BUD31: variants seen among roughly 807,000 people sequenced by gnomAD.
The protein encoded by BUD31 is BUD31 spliceosome associated protein.
Under a neutral mutation model 17.9 loss-of-function variants are expected in BUD31, and 9 were observed. That is an observed-to-expected ratio of 0.50 (90% CI 0.30 to 0.88). The LOEUF (loss-of-function observed/expected upper bound fraction) is 0.88. Among genes scored for constraint, BUD31 ranks in the 40% least tolerant of loss-of-function variants. The pLI is 0.06. For synonymous variants in BUD31, 70 were observed against 64.7 expected (o/e 1.08, Z -0.39); for missense variants, 148 against 184.5 (o/e 0.80, Z 1.15).
intron 3 of BUD31, among the ~76,000 whole-genome samples, chr7:99,415,603 C>T (rs1189220480): frequency 1.3e-5 from 2 of 152,060 alleles, no homozygotes; most frequent in Admixed American, 1.3e-4. Context: ...ATTCCCTTTC[C>T]CGGTCTGCTA....
chr7:99,414,054 G>C (rs757564909), intron 3 of BUD31, among the ~76,000 whole-genome samples: 4 of 152,106 alleles, frequency 2.6e-5, no homozygotes, highest in Admixed American at 6.6e-5. Flanking sequence ...GAACACCCAA[G>C]CACACTCATG....
At chr7:99,418,333 G>C (rs1343568720) in intron 5 of BUD31, 1 of 156,582 alleles carries the variant, frequency 6.4e-6, no homozygotes, top group Admixed American at 6.1e-5. Flanking sequence ...CCTCAGGAGT[G>C]GTGCTGAGGG....
chr7:99,419,374 GTCC>G lies in BUD31; in HGVS notation c.385-10_385-8del, dbSNP rs776163105. On this transcript the variant is annotated splice_polypyrimidine_tract_variant and intron_variant, in intron 5 of 5. Transcript: ENST00000222969. ...CGTGGCGCAGTGGCATCGTCTCACT[GTCC>G]TCCTCCGTTGCAGGGCCGCATCATC... 85 of 1,612,826 alleles carry G rather than the reference GTCC, an allele frequency of 5.3e-5. 1 individual carries two copies. The Admixed American group carries it at 6.5e-4, about 12-fold the overall frequency.
At chr7:99,412,758 C>T (rs938481266) in intron 3 of BUD31, among the ~76,000 whole-genome samples, 5 of 151,770 alleles carry the variant, frequency 3.3e-5, no homozygotes, top group African/African-American at 1.2e-4. Context: ...ACTACAGGCG[C>T]CCGCCACCAT....
chr7:99,410,932 T>C, intron 2 of BUD31, 132 bp from the exon 3 acceptor site: 1 of 615,198 alleles, frequency 1.6e-6, no homozygotes. Context: ...TTGAACACAG[T>C]CTGGGTGCTG....
intron 3 of BUD31, chr7:99,415,124 CA>C: frequency 2.3e-6 from 1 of 436,250 alleles, no homozygotes; most frequent in South Asian, 1.6e-5. Context: ...AGACACAAGA[CA>C]AAGAGATAAA....
At chr7:99,417,702 C>A in intron 5 of BUD31, 107 bp downstream of exon 5, 1 of 1,546,462 alleles carries the variant, frequency 6.5e-7, no homozygotes, top group Admixed American at 1.9e-5. Context: ...TCGTTTTGTC[C>A]CTGGATGTCC....
At position 99,417,287 on chromosome 7, in the gene BUD31, A is replaced by G. The variant is rs111849760; in HGVS notation, c.218-142A>G. On this transcript the variant is annotated intron_variant, in intron 4 of 5. Coordinates refer to ENST00000222969, the MANE Select transcript of BUD31 (RefSeq NM_003910.4). ...GGGCTGGTCCTGAACTCCTGACCTC[A>G]GGTGATCCGCCTGCCTCGGCCTCCC... 1.5e-3 allele frequency: 1,125 copies of G among 752,680 alleles called. 10 individuals are homozygous for G. Among genetic ancestry groups the G allele is most frequent in the African/African-American group, 0.01 (591 of 57,196 alleles). The allele number at this position is 752,680 out of a possible 1,614,324, so 46.6% of individuals were successfully genotyped here.
At chr7:99,417,837 C>T in intron 5 of BUD31, 3 of 1,454,638 alleles carry the variant, frequency 2.1e-6, no homozygotes, top group Middle Eastern at 2.5e-4. Context: ...TACTGAACCC[C>T]TTTCCTCACT....
intron 3 of BUD31, among the ~76,000 whole-genome samples, chr7:99,412,783 T>TG (rs899439278): frequency 6.6e-6 from 1 of 150,604 alleles, no homozygotes; most frequent in African/African-American, 2.5e-5. Flanking sequence ...AGCTAATTTT[T>TG]TTTTTTTTTT....
At chr7:99,411,701 G>T (rs1436475497) in intron 3 of BUD31, 1 of 455,852 alleles carries the variant, frequency 2.2e-6, no homozygotes, top group Non-Finnish European at 4.4e-6. Context: ...CTTACCAATT[G>T]ACTTTTTTAT....
At chr7:99,410,699 A>C (rs1031477817) in intron 2 of BUD31, among the ~76,000 whole-genome samples, 3 of 152,204 alleles carry the variant, frequency 2.0e-5, no homozygotes, top group Non-Finnish European at 4.4e-5. Context: ...CCCAACATCC[A>C]GTATAGGGTT....
Position 99,417,599 on chromosome 7 carries a change from A to G in BUD31, c.384+4A>G, listed in dbSNP as rs370967032. ...GCCCAAAAGCAAGCTGGAAGTGGTA[A>G]TGTCTGACACTCAAGCTTGGTGTTG... is the stretch of plus-strand genomic sequence containing the variant. On this transcript the variant is annotated splice_donor_region_variant and intron_variant, in intron 5 of 5. Transcript: ENST00000222969. 5 of 1,610,882 alleles carry G rather than the reference A, an allele frequency of 3.1e-6. No homozygotes were observed. The highest frequency in any genetic ancestry group is 4.2e-6 in the Non-Finnish European group (5 of 1,179,996).
At chr7:99,411,614 C>T (rs10085823) in intron 3 of BUD31, 13,533 of 438,728 alleles carry the variant, frequency 0.031, 1,293 homozygotes, top group African/African-American at 0.22. Context: ...TTTGTGAACC[C>T]GTGTCCTATG....
At chr7:99,410,992 G>A in intron 2 of BUD31, 72 bp from the exon 3 acceptor site, 2 of 976,512 alleles carry the variant, frequency 2.0e-6, no homozygotes, top group Non-Finnish European at 3.2e-6. Context: ...AAGTCAGCCT[G>A]TACCGAAATA....
intron 5 of BUD31, chr7:99,417,798 G>A (rs1399653877): frequency 6.6e-7 from 1 of 1,518,052 alleles, no homozygotes; most frequent in African/African-American, 1.4e-5. Flanking sequence ...TAGGTCTGGG[G>A]TCAATCTCAA....
intron 4 of BUD31, chr7:99,417,059 G>A (rs2150935121): frequency 4.2e-6 from 1 of 237,134 alleles, no homozygotes; most frequent in South Asian, 4.5e-5. Flanking sequence ...TTGCAATACT[G>A]AATGCCTTTT....
At chr7:99,409,974 ATGT>A (rs1584428294) in intron 1 of BUD31, 57 bp from the exon 2 acceptor site, 1 of 152,176 alleles carries the variant, frequency 6.6e-6, no homozygotes, top group Non-Finnish European at 1.5e-5. Flanking sequence ...TTTATGTAAT[ATGT>A]TGTTTGGTGT....
In BUD31 at chr7:99,417,479, G is replaced by A. The variant is rs1584442949; in HGVS notation, c.268G>A (p.Ala90Thr). Residue 90 changes from alanine to threonine, a missense_variant, in exon 5 of 6, where the codon GCA (alanine) becomes ACA (threonine). Ala to Thr is a moderately conservative substitution (Grantham distance 58, BLOSUM62 0). Coordinates refer to ENST00000222969, the MANE Select transcript of BUD31 (RefSeq NM_003910.4). ...AGGCTATGCAGACAAAAACCTGATT[G>A]CAAAATGGAAAAAGCAAGGATATGA... ...KEGYADKNLIAKWKKQGYENL... is the reference protein window; with the variant it reads ...KEGYADKNLITKWKKQGYENL... 6.2e-7 allele frequency: 1 copy of A among 1,611,498 alleles called. No individual in the cohort carries two copies. Among genetic ancestry groups the A allele is most frequent in the East Asian group, 2.2e-5 (1 of 44,868 alleles).
Sources: allele counts gnomAD v4.1 joint callset (sites outside exome capture counted in the v4.1 genomes callset), GRCh38; gene constraint gnomAD v4.1.1; transcripts MANE v1.5; gene names NCBI Gene and HGNC (gene_info 2026-07-23, HGNC 2026-07-21).